Variants in ZNF609 observed in about 807,000 individuals in gnomAD.
ZNF609 encodes the protein zinc finger protein 609.
Under a neutral mutation model 109.5 loss-of-function variants are expected in ZNF609, and 11 were observed. The ratio of observed to expected loss-of-function variants is 0.10; its 90% confidence interval spans 0.06 to 0.17. The LOEUF (loss-of-function observed/expected upper bound fraction) is 0.17. Among genes scored for constraint, ZNF609 ranks in the 10% least tolerant of loss-of-function variants. ZNF609 has a pLI of 1.00. For synonymous variants in ZNF609, 646 were observed against 662.0 expected (o/e 0.98, Z 0.37); for missense variants, 1,559 against 1,772.4 (o/e 0.88, Z 2.16).
intron 2 of ZNF609, among the ~76,000 whole-genome samples, chr15:64,582,838 G>A (rs1895132596): frequency 7.8e-6 from 1 of 128,206 alleles, no homozygotes; most frequent in South Asian, 2.7e-4. Context: ...TGCAACCTCC[G>A]CCTCCCAGGT....
intron 3 of ZNF609, among the ~76,000 whole-genome samples, chr15:64,635,997 A>G (rs1201193249): frequency 6.6e-6 from 1 of 152,152 alleles, no homozygotes; most frequent in African/African-American, 2.4e-5. Context: ...AGCTGGAGAT[A>G]ATTTCACCAG....
intron 2 of ZNF609, among the ~76,000 whole-genome samples, chr15:64,539,796 C>G (rs965791562): frequency 2.0e-5 from 3 of 151,072 alleles, no homozygotes; most frequent in African/African-American, 7.3e-5. Flanking sequence ...CCCAGCCTAC[C>G]TGCCTAATTT....
At chr15:64,583,785 G>A (rs1438399433) in intron 2 of ZNF609, among the ~76,000 whole-genome samples, 2 of 152,108 alleles carry the variant, frequency 1.3e-5, no homozygotes, top group African/African-American at 4.8e-5. Context: ...ATGATCTAGA[G>A]CTCTGATTGT....
upstream of ZNF609, among the ~76,000 whole-genome samples, chr15:64,459,620 A>G (rs1485871763): frequency 6.6e-6 from 1 of 152,190 alleles, no homozygotes; most frequent in Non-Finnish European, 1.5e-5. Context: ...AGGATAAGGG[A>G]AAAAAGGTAA....
intron 1 of ZNF609, among the ~76,000 whole-genome samples, chr15:64,478,155 G>GGTGTGTGTGTGTGTGTGT (rs149241970): frequency 7.2e-6 from 1 of 138,196 alleles, no homozygotes; most frequent in East Asian, 2.3e-4. Flanking sequence ...TTAGAATAAA[G>GGTGTGTGTGTGTGTGTGT]GTGTGTGTGT....
intron 2 of ZNF609, among the ~76,000 whole-genome samples, chr15:64,544,647 T>C (rs776974477): frequency 2.3e-4 from 35 of 152,214 alleles, no homozygotes; most frequent in Non-Finnish European, 4.0e-4. Context: ...TACAGCCTTA[T>C]CTGAAATGCC....
chr15:64,511,714 ATT>A (rs980847553), intron 2 of ZNF609, among the ~76,000 whole-genome samples: 36 of 136,986 alleles, frequency 2.6e-4, no homozygotes, highest in Admixed American at 1.6e-3. Context: ...CAAGCATGTA[ATT>A]TTTTTTTTTT....
intron 2 of ZNF609, among the ~76,000 whole-genome samples, chr15:64,538,162 A>G (rs1894186906): frequency 6.6e-6 from 1 of 152,112 alleles, no homozygotes; most frequent in Non-Finnish European, 1.5e-5. Context: ...AGTTAGGTTA[A>G]TCTCTTTCCT....
At chr15:64,665,364 C>T (rs899112799) in intron 3 of ZNF609, among the ~76,000 whole-genome samples, 1 of 152,310 alleles carries the variant, frequency 6.6e-6, no homozygotes, top group African/African-American at 2.4e-5. Flanking sequence ...ATGATTTATC[C>T]TTTCTGGTGT....
intron 4 of ZNF609, among the ~76,000 whole-genome samples, chr15:64,671,581 A>G (rs1235763716): frequency 5.9e-5 from 9 of 152,150 alleles, no homozygotes; most frequent in Admixed American, 3.3e-4. Context: ...TCATGTCGCA[A>G]TTTGACCTTT....
chr15:64,487,534 T>C (rs1018213645), intron 1 of ZNF609, among the ~76,000 whole-genome samples: 2 of 152,180 alleles, frequency 1.3e-5, no homozygotes, highest in Non-Finnish European at 2.9e-5. Flanking sequence ...CCCTCGTGTT[T>C]CTTCCCAGTT....
intron 1 of ZNF609, among the ~76,000 whole-genome samples, chr15:64,496,880 C>CTCAGGTCA (rs1158491223): frequency 6.6e-6 from 1 of 151,950 alleles, no homozygotes; most frequent in African/African-American, 2.4e-5. Flanking sequence ...GTGGCACAAT[C>CTCAGGTCA]TCAGGTCACT....
In ZNF609 at chr15:64,498,864, A is replaced by G. The variant is rs553943634; in HGVS notation, c.-127-429A>G. On this transcript the variant is annotated intron_variant, in intron 1 of 9. Coordinates refer to ENST00000326648, the MANE Select transcript of ZNF609 (RefSeq NM_015042.2). ...GAGTTTTTAAAGCTTTTGCTAGATCATGTTCTGCGTCTCTGATAATGTAAG... is the reference window on the plus strand; with the variant it reads ...GAGTTTTTAAAGCTTTTGCTAGATCGTGTTCTGCGTCTCTGATAATGTAAG... 2.0e-3 allele frequency among the ~76,000 whole-genome samples: 302 copies of G among 152,306 alleles called. 1 individual carries two copies. The highest frequency in any genetic ancestry group is 4.4e-3 in the Admixed American group (68 of 15,300).
chr15:64,635,363 T>G (rs1255725812), intron 3 of ZNF609, among the ~76,000 whole-genome samples: 1 of 152,230 alleles, frequency 6.6e-6, no homozygotes, highest in Admixed American at 6.5e-5. Flanking sequence ...TAGCCCTAAC[T>G]AACTTAGCTT....
chr15:64,489,990 G>C (rs150897531), intron 1 of ZNF609, among the ~76,000 whole-genome samples: 1 of 151,958 alleles, frequency 6.6e-6, no homozygotes, highest in Admixed American at 6.6e-5. Flanking sequence ...ACAGCACCTC[G>C]CTCTGTCACC....
intron 2 of ZNF609, among the ~76,000 whole-genome samples, chr15:64,558,046 T>C (rs1271950132): frequency 1.3e-5 from 2 of 152,210 alleles, no homozygotes; most frequent in Non-Finnish European, 2.9e-5. Context: ...GTGTATATCA[T>C]ACATAGACTA....
rs201702550 is a variant in ZNF609, at chr15:64,639,704, C to CT, written c.973+16659dup. Among the ~76,000 whole-genome samples the CT allele has an allele frequency of 5.3e-3, 806 of 152,084 alleles. 6 individuals are homozygous for CT. Among genetic ancestry groups the CT allele is most frequent in the Non-Finnish European group, 6.2e-3 (420 of 67,988 alleles). On this transcript the variant is annotated intron_variant, in intron 3 of 9. Coordinates refer to ENST00000326648, the MANE Select transcript of ZNF609 (RefSeq NM_015042.2). ...ACTAGGGGTTAGAACTTCAATATAC[C>CT]TTTTTTTGGCAGGGGAAGGGTGGGA...
intron 8 of ZNF609, 43 bp downstream of exon 8, chr15:64,680,905 G>A (rs1896876102): frequency 6.3e-7 from 1 of 1,597,114 alleles, no homozygotes; most frequent in Non-Finnish European, 8.5e-7. Context: ...GTCTTGTTTT[G>A]TTTTGTTTAT....
At chr15:64,585,872 G>A (rs754182014) in intron 2 of ZNF609, among the ~76,000 whole-genome samples, 2 of 152,142 alleles carry the variant, frequency 1.3e-5, no homozygotes, top group Admixed American at 6.5e-5. Flanking sequence ...TTGAGACAGA[G>A]TCTTCCTCTG....
Sources: gnomAD v4.1 joint callset for allele counts (sites outside exome capture counted in the v4.1 genomes callset) on GRCh38, gnomAD v4.1.1 for gene constraint, MANE v1.5 for transcripts, NCBI Gene and HGNC (gene_info 2026-07-23, HGNC 2026-07-21) for gene names.